The following MEIS1 variants were observed in gnomAD, a reference collection of about 807,000 sequenced individuals.
MEIS1 encodes the protein Meis homeobox 1, also known as homeobox protein Meis1.
MEIS1 carries 5 observed loss-of-function variants against 50.8 expected under a neutral mutation model. That is an observed-to-expected ratio of 0.10 (90% CI 0.05 to 0.21). The LOEUF (loss-of-function observed/expected upper bound fraction) is 0.21. Ranked by LOEUF, MEIS1 falls within the 10% of genes least tolerant of loss-of-function variation. MEIS1 has a pLI of 1.00. For synonymous variants in MEIS1, 176 were observed against 179.3 expected, an observed-to-expected ratio of 0.98 and a Z score of 0.15; for missense variants, 318 against 517.3, an observed-to-expected ratio of 0.61 and a Z score of 3.74.
chr2:66,566,771 T>C (rs749025571), intron 9 of MEIS1, among the ~76,000 whole-genome samples: 4 of 150,196 alleles, frequency 2.7e-5, no homozygotes, highest in Non-Finnish European at 5.9e-5. Context: ...TTACTGTATA[T>C]CTGTGACCTT....
rs911281996 is a variant in MEIS1 at position 66,571,565 on chromosome 2, A to T, written c.*357A>T. ...TATGCATTGTCTGCAATGGTGACTG[A>T]TTTCAAATCATGTTTTTTCTGCAAT... On this transcript the variant is annotated 3_prime_UTR_variant, in exon 13 of 13. Coordinates refer to ENST00000272369, the MANE Select transcript of MEIS1 (RefSeq NM_002398.3). The T allele has an allele frequency of 1.3e-6, 2 of 1,549,266 alleles. No homozygotes were observed. Among genetic ancestry groups the T allele is most frequent in the Non-Finnish European group, 1.7e-6 (2 of 1,146,324 alleles).
At chr2:66,450,691 G>C (rs1256154316) in intron 6 of MEIS1, among the ~76,000 whole-genome samples, 7 of 151,968 alleles carry the variant, frequency 4.6e-5, no homozygotes, top group Admixed American at 4.6e-4. Flanking sequence ...TAAGATTTTT[G>C]AGTGATATTA....
intron 6 of MEIS1, among the ~76,000 whole-genome samples, chr2:66,460,456 A>G (rs965906231): frequency 6.6e-6 from 1 of 152,224 alleles, no homozygotes; most frequent in Admixed American, 6.5e-5. Context: ...GCTGTCAAAG[A>G]GAGAAGATAT....
intron 7 of MEIS1, among the ~76,000 whole-genome samples, chr2:66,505,407 TA>T (rs1673663149): frequency 6.6e-6 from 1 of 151,880 alleles, no homozygotes; most frequent in African/African-American, 2.4e-5. Context: ...CACTGTCTCT[TA>T]AAAAAGGAAA....
intron 2 of MEIS1, 167 bp from the exon 3 acceptor site, chr2:66,439,676 G>C: frequency 6.5e-7 from 1 of 1,539,830 alleles, no homozygotes; most frequent in Non-Finnish European, 8.7e-7. Flanking sequence ...GGGGAGGTGA[G>C]CGGTCACCTG....
intron 9 of MEIS1, among the ~76,000 whole-genome samples, chr2:66,549,023 A>C (rs1674855514): frequency 6.6e-6 from 1 of 152,154 alleles, no homozygotes; most frequent in South Asian, 2.1e-4. Context: ...TTTGTTCTTG[A>C]TGTCTATTGC....
At chr2:66,564,821 C>G (rs1246017974) in intron 9 of MEIS1, among the ~76,000 whole-genome samples, 3 of 151,900 alleles carry the variant, frequency 2.0e-5, no homozygotes, top group Admixed American at 1.3e-4. Flanking sequence ...GTGCTGCCCC[C>G]ATTAACTCGT....
chr2:66,453,605 A>T (rs543038142), intron 6 of MEIS1, among the ~76,000 whole-genome samples: 1 of 152,040 alleles, frequency 6.6e-6, no homozygotes, highest in African/African-American at 2.4e-5. Flanking sequence ...GTGGGCTTAA[A>T]GATGCAGACA....
At chr2:66,544,301 C>T (rs542393822) in intron 8 of MEIS1, among the ~76,000 whole-genome samples, 1 of 152,022 alleles carries the variant, frequency 6.6e-6, no homozygotes, top group Admixed American at 6.5e-5. Context: ...TCATACTGTC[C>T]ACAAAAAGCT....
chr2:66,454,251 A>G (rs145232710), intron 6 of MEIS1, among the ~76,000 whole-genome samples: 1 of 152,208 alleles, frequency 6.6e-6, no homozygotes, highest in East Asian at 1.9e-4. Flanking sequence ...AATTGGGTTT[A>G]TGGAGGAAGG....
rs193114586 is a variant in MEIS1 at position 66,531,623 on chromosome 2, C to T, written c.889-16320C>T. Reference sequence around the variant, plus strand: ...GAGTGCCACGTACACGGTTACACAACGCATAAAGGCGAGGGTCATTTCTAG... The same window carrying T: ...GAGTGCCACGTACACGGTTACACAATGCATAAAGGCGAGGGTCATTTCTAG... On this transcript the variant is annotated intron_variant, in intron 8 of 12. Coordinates refer to ENST00000272369, the MANE Select transcript of MEIS1 (RefSeq NM_002398.3). Among the ~76,000 whole-genome samples, 6 of 152,296 alleles carry T rather than the reference C, an allele frequency of 3.9e-5. No individual in the cohort carries two copies. In the East Asian group the frequency reaches 5.8e-4, roughly 15 times the overall value.
At chr2:66,441,683 G>A (rs1671987936) in intron 5 of MEIS1, 1 of 507,384 alleles carries the variant, frequency 2.0e-6, no homozygotes, top group Non-Finnish European at 3.4e-6. Context: ...CTAGCCTTGT[G>A]TTCATTCTTA....
At chr2:66,552,158 A>G (rs908868886) in intron 9 of MEIS1, among the ~76,000 whole-genome samples, 4 of 152,088 alleles carry the variant, frequency 2.6e-5, no homozygotes, top group Admixed American at 2.0e-4. Flanking sequence ...CTTATACATG[A>G]TCACACCAGT....
chr2:66,497,531 T>C (rs1410900501), intron 7 of MEIS1, among the ~76,000 whole-genome samples: 1 of 152,216 alleles, frequency 6.6e-6, no homozygotes, highest in Non-Finnish European at 1.5e-5. Flanking sequence ...TTTTCCTGGA[T>C]CTGAAAGATA....
intron 8 of MEIS1, among the ~76,000 whole-genome samples, chr2:66,546,435 G>A (rs1674794310): frequency 6.6e-6 from 1 of 152,176 alleles, no homozygotes; most frequent in Non-Finnish European, 1.5e-5. Context: ...ATTTCACAGG[G>A]GACATGAATG....
intron 6 of MEIS1, among the ~76,000 whole-genome samples, chr2:66,444,376 T>C (rs1558520951): frequency 6.6e-6 from 1 of 152,200 alleles, no homozygotes; most frequent in Admixed American, 6.5e-5. Context: ...CTTAGTGTCA[T>C]CTTATGGTTT....
intron 9 of MEIS1, among the ~76,000 whole-genome samples, chr2:66,551,808 C>T (rs542208277): frequency 4.7e-4 from 71 of 151,630 alleles, no homozygotes; most frequent in African/African-American, 1.7e-3. Flanking sequence ...TCCCTTGCTC[C>T]CAATTATAAT....
At position 66,464,594 on chromosome 2, in the gene MEIS1, T is replaced by G. The variant is rs554748252; in HGVS notation, c.742+374T>G. 2.6e-5 allele frequency among the ~76,000 whole-genome samples: 4 copies of G among 152,354 alleles called. No individual in the cohort carries two copies. The East Asian group carries it at 7.7e-4, about 29-fold the overall frequency. ...CTCATGAAGAAACATCCACTAGGAT[T>G]CCAAGTTAATGATGTCTTAGGATGC... On this transcript the variant is annotated intron_variant, in intron 7 of 12. Transcript: ENST00000272369.
chr2:66,452,954 T>A (rs1672308702), intron 6 of MEIS1, among the ~76,000 whole-genome samples: 1 of 151,946 alleles, frequency 6.6e-6, no homozygotes, highest in Non-Finnish European at 1.5e-5. Flanking sequence ...AGTGTTCAAT[T>A]TTTTTATTCT....
Sources: allele counts gnomAD v4.1 joint callset (sites outside exome capture counted in the v4.1 genomes callset), GRCh38; gene constraint gnomAD v4.1.1; transcripts MANE v1.5; gene names NCBI Gene and HGNC (gene_info 2026-07-23, HGNC 2026-07-21).